The following CDH13 variants were observed in gnomAD, a reference collection of about 807,000 sequenced individuals.
CDH13 encodes cadherin-13.
CDH13 carries 24 observed loss-of-function variants against 63.8 expected under a neutral mutation model. The observed-to-expected ratio is 0.38, with a 90% CI of 0.27 to 0.53. The LOEUF is 0.53. CDH13 is among the 20% of genes least tolerant of loss of function. CDH13 has a pLI of 0.85. For missense variants in CDH13, 1,049 were observed against 903.1 expected (o/e 1.16, Z -2.07); for synonymous variants, 503 against 355.3 (o/e 1.42, Z -4.67).
chr16:82,687,522 A>T (rs1033288560), intron 1 of CDH13, among the ~76,000 whole-genome samples: 1 of 152,188 alleles, frequency 6.6e-6, no homozygotes, highest in Non-Finnish European at 1.5e-5. Flanking sequence ...CACATCTTGC[A>T]TGGTGACAGG....
At chr16:83,729,059 C>G (rs987393176) in intron 10 of CDH13, 5 of 152,218 alleles carry the variant, frequency 3.3e-5, no homozygotes, top group African/African-American at 9.6e-5. Context: ...CTCATCCTAT[C>G]AGATCAGAGC....
At chr16:83,323,666 A>G (rs999918245) in intron 5 of CDH13, among the ~76,000 whole-genome samples, 4 of 152,138 alleles carry the variant, frequency 2.6e-5, no homozygotes, top group Admixed American at 2.6e-4. Context: ...AAACTAGAAC[A>G]TTTTATTTTC....
At chr16:83,229,002 G>A (rs1233800493) in intron 5 of CDH13, among the ~76,000 whole-genome samples, 1 of 152,098 alleles carries the variant, frequency 6.6e-6, no homozygotes, top group African/African-American at 2.4e-5. Context: ...CAAACTCATA[G>A]TGAAGATATT....
At chr16:83,371,376 A>G (rs2091364482) in intron 6 of CDH13, among the ~76,000 whole-genome samples, 2 of 152,152 alleles carry the variant, frequency 1.3e-5, no homozygotes, top group Non-Finnish European at 2.9e-5. Context: ...ATATGAGAGA[A>G]TCCACTATAC....
intron 5 of CDH13, among the ~76,000 whole-genome samples, chr16:83,326,844 T>C (rs1450160263): frequency 6.6e-6 from 1 of 152,188 alleles, no homozygotes; most frequent in African/African-American, 2.4e-5. Context: ...ATGTGCCCTG[T>C]CTGTACTCCT....
chr16:82,757,494 T>C (rs560004014), intron 1 of CDH13, among the ~76,000 whole-genome samples: 2 of 152,328 alleles, frequency 1.3e-5, no homozygotes, highest in East Asian at 1.9e-4. Context: ...CAACATTTAA[T>C]TGCAAGAGAT....
chr16:82,903,234 T>G (rs183260005), intron 2 of CDH13, among the ~76,000 whole-genome samples: 52 of 152,348 alleles, frequency 3.4e-4, no homozygotes, highest in Middle Eastern at 3.4e-3. Flanking sequence ...AATGCCTCAA[T>G]GAAAAACATT....
intron 1 of CDH13, among the ~76,000 whole-genome samples, chr16:82,753,109 A>C (rs575002575): frequency 4.3e-4 from 66 of 152,336 alleles, no homozygotes; most frequent in Middle Eastern, 3.4e-3. Context: ...GTGACCTCTT[A>C]CAAACAGTAC....
At chr16:83,771,258 A>T (rs1000325841) in intron 11 of CDH13, among the ~76,000 whole-genome samples, 3 of 152,210 alleles carry the variant, frequency 2.0e-5, no homozygotes, top group African/African-American at 7.2e-5. Flanking sequence ...GCTAAGTGTA[A>T]GTCATGAGCC....
At chr16:82,881,433 G>A (rs1042117991) in intron 2 of CDH13, among the ~76,000 whole-genome samples, 4 of 152,166 alleles carry the variant, frequency 2.6e-5, no homozygotes, top group Non-Finnish European at 5.9e-5. Context: ...CAGGATGGCT[G>A]TTCACAATGG....
chr16:83,027,076 C>A (rs1031513473), intron 2 of CDH13, among the ~76,000 whole-genome samples: 4 of 151,408 alleles, frequency 2.6e-5, no homozygotes, highest in Non-Finnish European at 5.9e-5. Context: ...TTGTCGGCAG[C>A]CTCTTGCTCA....
intron 6 of CDH13, among the ~76,000 whole-genome samples, chr16:83,387,215 C>G (rs1278485855): frequency 6.6e-6 from 1 of 152,138 alleles, no homozygotes; most frequent in Non-Finnish European, 1.5e-5. Flanking sequence ...CATTCTTATG[C>G]TCACTTGAGA....
At chr16:83,246,863 G>C (rs1354252718) in intron 5 of CDH13, among the ~76,000 whole-genome samples, 1 of 152,142 alleles carries the variant, frequency 6.6e-6, no homozygotes, top group Non-Finnish European at 1.5e-5. Flanking sequence ...TTCTACTCCA[G>C]TCCTTACAAG....
At chr16:83,512,039 G>A (rs1317314937) in intron 7 of CDH13, among the ~76,000 whole-genome samples, 4 of 152,146 alleles carry the variant, frequency 2.6e-5, no homozygotes, top group African/African-American at 9.6e-5. Context: ...ATAAAGGAAG[G>A]GGCCAGGCGC....
intron 8 of CDH13, among the ~76,000 whole-genome samples, chr16:83,653,991 G>C (rs966997023): frequency 7.9e-5 from 12 of 152,146 alleles, no homozygotes; most frequent in Non-Finnish European, 1.5e-4. Flanking sequence ...ACACACATGG[G>C]TGGGGGAATT....
chr16:82,996,673 G>C (rs1294946146), intron 2 of CDH13, among the ~76,000 whole-genome samples: 1 of 152,144 alleles, frequency 6.6e-6, no homozygotes, highest in Admixed American at 6.5e-5. Context: ...GAAATATTAG[G>C]AAATTTATTT....
intron 4 of CDH13, among the ~76,000 whole-genome samples, chr16:83,148,463 A>C (rs1349968125): frequency 6.6e-6 from 1 of 152,242 alleles, no homozygotes; most frequent in Non-Finnish European, 1.5e-5. Flanking sequence ...TCAGACTGCA[A>C]GGGTTCAAAT....
At chr16:82,659,598 A>C (rs937012077) in intron 1 of CDH13, among the ~76,000 whole-genome samples, 2 of 152,202 alleles carry the variant, frequency 1.3e-5, no homozygotes. Context: ...ATTTCTCATA[A>C]AGAATCCCCC....
chr16:83,555,841 C>G (rs1413293962), intron 7 of CDH13, among the ~76,000 whole-genome samples: 2 of 152,154 alleles, frequency 1.3e-5, no homozygotes, highest in African/African-American at 2.4e-5. Context: ...ACATCTTAGA[C>G]AGTTGCAAGG....
Sources: allele counts gnomAD v4.1 joint callset (sites outside exome capture counted in the v4.1 genomes callset), GRCh38; gene constraint gnomAD v4.1.1; transcripts MANE v1.5; gene names NCBI Gene and HGNC (gene_info 2026-07-23, HGNC 2026-07-21).